PPM1A: variants seen among roughly 807,000 people sequenced by gnomAD.
PPM1A encodes the protein protein phosphatase 1A.
Under a neutral mutation model 35.0 loss-of-function variants are expected in PPM1A, and 7 were observed. The ratio of observed to expected loss-of-function variants is 0.20; its 90% confidence interval spans 0.11 to 0.38. The LOEUF is 0.38. Ranked by LOEUF, PPM1A falls within the 10% of genes least tolerant of loss-of-function variation. The probability of loss-of-function intolerance (pLI) is 1.00; values close to 1 mark genes in which losing one functional copy is unlikely to be tolerated. For synonymous variants in PPM1A, 153 were observed against 167.3 expected, an observed-to-expected ratio of 0.91 and a Z score of 0.66; for missense variants, 239 against 467.8, an observed-to-expected ratio of 0.51 and a Z score of 4.51.
chr14:60,272,314 C>A (rs774291661), intron 1 of PPM1A, among the ~76,000 whole-genome samples: 15 of 148,240 alleles, frequency 1.0e-4, no homozygotes, highest in Non-Finnish European at 2.2e-4. Flanking sequence ...AATTTTTTCT[C>A]ACAAGTTTTT....
At chr14:60,285,587 A>G in intron 2 of PPM1A, 37 bp from the exon 3 acceptor site, 1 of 1,604,888 alleles carries the variant, frequency 6.2e-7, no homozygotes, top group Middle Eastern at 1.7e-4. Context: ...AAGAGCAAAA[A>G]GAAAACTAAA....
At chr14:60,284,795 C>T (rs1412353604) in intron 2 of PPM1A, among the ~76,000 whole-genome samples, 4 of 150,394 alleles carry the variant, frequency 2.7e-5, no homozygotes, top group Admixed American at 1.3e-4. Context: ...TTATAAATGA[C>T]GTGTACAGGG....
chr14:60,268,525 A>T (rs1566582864), intron 1 of PPM1A: 1 of 387,220 alleles, frequency 2.6e-6, no homozygotes, highest in African/African-American at 2.2e-5. Context: ...TTCACATATA[A>T]CATGTACTAT....
Position 60,249,624 on chromosome 14 carries a change from G to A in PPM1A, c.-74G>A, listed in dbSNP as rs1382195405. ...CGCCGCGGTGACCCCCTCCCCGGCT[G>A]CCGCCGCCGCCGCCTCGGCCGACCA... On this transcript the variant is annotated 5_prime_UTR_variant, in exon 1 of 6. Coordinates refer to ENST00000395076, the MANE Select transcript of PPM1A (RefSeq NM_021003.5). The surrounding 1 kb of genome is among the most constrained non-coding windows in gnomAD (Gnocchi z 4.5). 2.7e-5 allele frequency: 27 copies of A among 985,116 alleles called. No individual in the cohort carries two copies. In the East Asian group the frequency reaches 2.8e-3, roughly 104 times the overall value. 61.0% of individuals were successfully genotyped at this position (985,116 alleles called of 1,614,324 possible). A position where few individuals can be genotyped will look rare whatever the true frequency, so the allele number is the denominator to read the frequency against.
intron 3 of PPM1A, chr14:60,286,435 A>G (rs973759448): frequency 4.1e-6 from 4 of 985,152 alleles, no homozygotes; most frequent in Non-Finnish European, 4.8e-6. Flanking sequence ...AGTAAAGTGT[A>G]TATATTATGC....
upstream of PPM1A, chr14:60,249,195 T>A (rs1030345147): frequency 6.7e-4 from 657 of 981,118 alleles, no homozygotes; most frequent in Non-Finnish European, 7.6e-4. This position sits in a 1 kb window ranked among gnomAD's most constrained non-coding sequence, Gnocchi z 4.5. Context: ...GACGCGGTCG[T>A]GAGCGCGCCT....
In PPM1A at chr14:60,292,059, AT is replaced by A. The variant is rs1451295111; in HGVS notation, c.1120-393del. Among the ~76,000 whole-genome samples the A allele has an allele frequency of 3.9e-5, 6 of 152,126 alleles. No individual in the cohort carries two copies. The highest frequency in any genetic ancestry group is 3.9e-4 in the Admixed American group (6 of 15,262). Reference sequence around the variant, plus strand: ...TGTGGGCACAGCTCTGAAATATTTTATGTATTGCATTATGAAGCTTCCTCAC... The same window carrying A: ...TGTGGGCACAGCTCTGAAATATTTTAGTATTGCATTATGAAGCTTCCTCAC... On this transcript the variant is annotated intron_variant, in intron 5 of 5. Transcript: ENST00000395076. The surrounding 1 kb of genome is among the most constrained non-coding windows in gnomAD (Gnocchi z 4.2).
chr14:60,261,322 C>G (rs1209810632), intron 1 of PPM1A, among the ~76,000 whole-genome samples: 2 of 151,974 alleles, frequency 1.3e-5, no homozygotes, highest in East Asian at 1.9e-4. Flanking sequence ...GGGAATAAAA[C>G]CTAGAGGGAA....
rs78082039 is a variant in PPM1A, at chr14:60,292,649, A to T, written c.*167A>T. ...CAGTACAACAGCTAGCCCAGAACTG[A>T]TTTTTTTTTTTTTTTTTGTAAATTT... On this transcript the variant is annotated 3_prime_UTR_variant, in exon 6 of 6. Coordinates refer to ENST00000395076, the MANE Select transcript of PPM1A (RefSeq NM_021003.5). This position sits in a 1 kb window ranked among gnomAD's most constrained non-coding sequence, Gnocchi z 4.2. The T allele has an allele frequency of 1.5e-4, 52 of 344,888 alleles. No homozygotes were observed. In the Admixed American group the frequency reaches 2.3e-3, roughly 15 times the overall value. The allele number at this position is 344,888 out of a possible 1,614,324, so 21.4% of individuals were successfully genotyped here. A position where few individuals can be genotyped will look rare whatever the true frequency, so the allele number is the denominator to read the frequency against.
chr14:60,277,003 A>G, intron 1 of PPM1A: 1 of 1,131,586 alleles, frequency 8.8e-7, no homozygotes, highest in Non-Finnish European at 1.1e-6. Context: ...TTTTTGTCAT[A>G]GTACTTTGTT....
At position 60,249,236 on chromosome 14, in the gene PPM1A, G is replaced by C. The variant is rs545626585; in HGVS notation, c.-462G>C. The C allele has an allele frequency of 6.1e-4, 602 of 987,980 alleles. 4 individuals are homozygous for C. In the African/African-American group the frequency reaches 9.8e-3, roughly 16 times the overall value. The allele number at this position is 987,980 out of a possible 1,614,324, so 61.2% of individuals were successfully genotyped here. A position where few individuals can be genotyped will look rare whatever the true frequency, so the allele number is the denominator to read the frequency against. On this transcript the variant is annotated 5_prime_UTR_variant, in exon 1 of 6. Coordinates refer to ENST00000395076, the MANE Select transcript of PPM1A (RefSeq NM_021003.5). The surrounding 1 kb of genome is among the most constrained non-coding windows in gnomAD (Gnocchi z 4.5). ...GGGCCGCGCTAGAGGCGGCGGCGGC[G>C]GCGGTGGCGGCGCTAGGGACGGGAG...
intron 1 of PPM1A, among the ~76,000 whole-genome samples, chr14:60,269,664 T>C (rs1884848904): frequency 6.6e-6 from 1 of 152,100 alleles, no homozygotes; most frequent in Non-Finnish European, 1.5e-5. Flanking sequence ...TTCTCCTACC[T>C]CAACCTCCCG....
At chr14:60,267,565 G>A (rs1461382487) in intron 1 of PPM1A, among the ~76,000 whole-genome samples, 1 of 151,894 alleles carries the variant, frequency 6.6e-6, no homozygotes, top group Non-Finnish European at 1.5e-5. Context: ...ATTATGATAG[G>A]TTTGTAAAAA....
intron 3 of PPM1A, chr14:60,288,512 C>A: frequency 6.1e-6 from 6 of 983,682 alleles, no homozygotes; most frequent in Non-Finnish European, 7.2e-6. Context: ...AACAAATATA[C>A]TAGATGTTAA....
At chr14:60,250,745 C>G (rs1882302005) in intron 1 of PPM1A, among the ~76,000 whole-genome samples, 1 of 152,156 alleles carries the variant, frequency 6.6e-6, no homozygotes, top group Non-Finnish European at 1.5e-5. Context: ...TTCAAACTTG[C>G]ACGTTGGGGT....
At chr14:60,288,240 A>C in intron 3 of PPM1A, 1 of 967,824 alleles carries the variant, frequency 1.0e-6, no homozygotes, top group Non-Finnish European at 1.2e-6. Flanking sequence ...AAATATCCTA[A>C]TTTATATTTT....
intron 1 of PPM1A, among the ~76,000 whole-genome samples, chr14:60,261,070 A>G (rs1037788538): frequency 2.0e-4 from 31 of 152,236 alleles, no homozygotes; most frequent in Non-Finnish European, 4.0e-4. Flanking sequence ...TTAAACTCAG[A>G]CTTGCATGAG....
rs1888161995 is a variant in PPM1A at position 60,297,715 on chromosome 14, G to C, written c.*5233G>C. On this transcript the variant is annotated 3_prime_UTR_variant, in exon 6 of 6. Coordinates refer to ENST00000395076, the MANE Select transcript of PPM1A (RefSeq NM_021003.5). ...ATCGGGTAGCTGCGGAACAAAATTA[G>C]TTATATCCTAATTAGGTACAGTGAA... 6.6e-6 allele frequency: 1 copy of C among 151,802 alleles called. No individual in the cohort carries two copies. Among genetic ancestry groups the C allele is most frequent in the South Asian group, 2.1e-4 (1 of 4,830 alleles). The allele number at this position is 151,802 out of a possible 1,614,324, so 9.4% of individuals were successfully genotyped here.
At chr14:60,291,539 C>A in intron 5 of PPM1A, 85 bp downstream of exon 5, 1 of 1,114,792 alleles carries the variant, frequency 9.0e-7, no homozygotes, top group Non-Finnish European at 1.3e-6. Context: ...CAGAGCTGTT[C>A]ACTGTACCCA....
Sources: allele counts gnomAD v4.1 joint callset (sites outside exome capture counted in the v4.1 genomes callset), GRCh38; gene constraint gnomAD v4.1.1; non-coding constraint Gnocchi (gnomAD v3.1); transcripts MANE v1.5; gene names NCBI Gene and HGNC (gene_info 2026-07-23, HGNC 2026-07-21).